LHFPL3: variants seen among roughly 807,000 people sequenced by gnomAD.
The protein encoded by LHFPL3 is LHFPL tetraspan subfamily member 3 protein.
In LHFPL3, 5 loss-of-function variants were observed where a neutral mutation model predicts 19.3. That is an observed-to-expected ratio of 0.26 (90% confidence interval 0.14 to 0.54). LHFPL3 has a LOEUF of 0.54. Ranked by LOEUF, LHFPL3 falls within the 20% of genes least tolerant of loss-of-function variation. The pLI, the probability that LHFPL3 is intolerant of heterozygous loss-of-function variation, is 0.94. For synonymous variants in LHFPL3, 133 were observed against 126.2 expected (o/e 1.05, Z -0.36); for missense variants, 249 against 307.4 (o/e 0.81, Z 1.42).
intron 1 of LHFPL3, among the ~76,000 whole-genome samples, chr7:104,369,391 T>C (rs1790565735): frequency 6.6e-6 from 1 of 152,264 alleles, no homozygotes; most frequent in African/African-American, 2.4e-5. Context: ...TGTTGTTGAA[T>C]GTATCCAAAG....
intron 1 of LHFPL3, among the ~76,000 whole-genome samples, chr7:104,454,539 C>T (rs190366077): frequency 2.6e-5 from 4 of 152,278 alleles, no homozygotes; most frequent in Admixed American, 2.6e-4. Flanking sequence ...AGCCCTGAGG[C>T]ACACAGGCCC....
intron 1 of LHFPL3, among the ~76,000 whole-genome samples, chr7:104,522,734 A>G (rs1319458231): frequency 1.3e-5 from 2 of 152,148 alleles, no homozygotes; most frequent in East Asian, 1.9e-4. Flanking sequence ...TCATGTAAAG[A>G]GGATTTTATT....
chr7:104,566,292 A>G (rs142637764), intron 1 of LHFPL3, among the ~76,000 whole-genome samples: 4 of 152,302 alleles, frequency 2.6e-5, no homozygotes, highest in African/African-American at 9.6e-5. Flanking sequence ...GTGAGGCTGC[A>G]GTGAGTCGTA....
chr7:104,406,634 C>T (rs759300728), intron 1 of LHFPL3, among the ~76,000 whole-genome samples: 4 of 152,234 alleles, frequency 2.6e-5, no homozygotes, highest in Non-Finnish European at 4.4e-5. Context: ...CCTTTCTTCT[C>T]AGAGAAAGAC....
Position 104,832,259 on chromosome 7 carries a change from A to G in LHFPL3, c.683-73928A>G, listed in dbSNP as rs889261238. 3.9e-5 allele frequency among the ~76,000 whole-genome samples: 6 copies of G among 151,978 alleles called. 1 individual carries two copies. The highest frequency in any genetic ancestry group is 1.5e-4 in the African/African-American group (6 of 41,216). ...CTAAAGTTGGTTGGGTTGTCTATCA[A>G]TCATTCTATCAGACAATATTAATAT... On this transcript the variant is annotated intron_variant, in intron 2 of 2. Coordinates refer to ENST00000424859, the MANE Select transcript of LHFPL3 (RefSeq NM_199000.3).
At chr7:104,364,121 A>T (rs1346240548) in intron 1 of LHFPL3, among the ~76,000 whole-genome samples, 1 of 152,180 alleles carries the variant, frequency 6.6e-6, no homozygotes, top group Non-Finnish European at 1.5e-5. Context: ...TGCAAAACTA[A>T]CCTTGAGATT....
chr7:104,661,307 C>T (rs1285443370), intron 1 of LHFPL3, among the ~76,000 whole-genome samples: 1 of 152,202 alleles, frequency 6.6e-6, no homozygotes, highest in East Asian at 1.9e-4. Flanking sequence ...CTATTCTACC[C>T]ATGTGCCCTC....
chr7:104,800,681 C>T (rs2116473885), intron 2 of LHFPL3, among the ~76,000 whole-genome samples: 1 of 152,270 alleles, frequency 6.6e-6, no homozygotes, highest in East Asian at 1.9e-4. Context: ...ATCATCTACC[C>T]ACCCACCCAA....
At chr7:104,472,029 T>G (rs1792918128) in intron 1 of LHFPL3, among the ~76,000 whole-genome samples, 1 of 151,920 alleles carries the variant, frequency 6.6e-6, no homozygotes, top group South Asian at 2.1e-4. Flanking sequence ...AGTTCAAAAA[T>G]TAGCCGAGGG....
At chr7:104,875,399 T>C (rs1318227248) in intron 2 of LHFPL3, among the ~76,000 whole-genome samples, 1 of 152,168 alleles carries the variant, frequency 6.6e-6, no homozygotes, top group Non-Finnish European at 1.5e-5. Flanking sequence ...AGCTCTGCAC[T>C]CTCTGCTAAG....
chr7:104,729,814 T>C (rs533738154), intron 1 of LHFPL3, among the ~76,000 whole-genome samples: 1 of 152,330 alleles, frequency 6.6e-6, no homozygotes, highest in East Asian at 1.9e-4. Flanking sequence ...GTTACATATG[T>C]ATACATGTGA....
intron 1 of LHFPL3, among the ~76,000 whole-genome samples, chr7:104,491,325 G>A (rs965159998): frequency 6.6e-6 from 1 of 152,156 alleles, no homozygotes; most frequent in East Asian, 1.9e-4. Context: ...TGTGGGTATA[G>A]GTGTGTTCCC....
At chr7:104,449,334 T>C (rs1026672561) in intron 1 of LHFPL3, among the ~76,000 whole-genome samples, 3 of 152,216 alleles carry the variant, frequency 2.0e-5, no homozygotes, top group Non-Finnish European at 4.4e-5. Context: ...TGGTGTAAAA[T>C]GTCATGCTGT....
intron 1 of LHFPL3, among the ~76,000 whole-genome samples, chr7:104,526,755 T>C (rs1016912540): frequency 5.9e-5 from 9 of 152,230 alleles, no homozygotes; most frequent in Admixed American, 2.6e-4. Context: ...TCTGTGAATC[T>C]AGCATTAATC....
At chr7:104,731,971 A>G (rs1793713343) in intron 1 of LHFPL3, among the ~76,000 whole-genome samples, 2 of 152,270 alleles carry the variant, frequency 1.3e-5, no homozygotes, top group South Asian at 2.1e-4. Flanking sequence ...TTCTGCATCT[A>G]TTGAGATAAT....
At chr7:104,410,571 A>G (rs1397353706) in intron 1 of LHFPL3, among the ~76,000 whole-genome samples, 1 of 152,254 alleles carries the variant, frequency 6.6e-6, no homozygotes, top group African/African-American at 2.4e-5. Flanking sequence ...TAGTGATTAA[A>G]GGGAGGAATA....
intron 1 of LHFPL3, among the ~76,000 whole-genome samples, chr7:104,423,298 G>C (rs747533065): frequency 1.3e-5 from 2 of 152,106 alleles, no homozygotes; most frequent in African/African-American, 4.8e-5. Context: ...ATCCAACTTG[G>C]TCTGGCCATG....
At chr7:104,804,474 C>T (rs1487046000) in intron 2 of LHFPL3, among the ~76,000 whole-genome samples, 1 of 152,222 alleles carries the variant, frequency 6.6e-6, no homozygotes, top group Non-Finnish European at 1.5e-5. Context: ...TTGTAATGCT[C>T]TTCACCCTTG....
intron 1 of LHFPL3, among the ~76,000 whole-genome samples, chr7:104,428,747 T>G (rs1791895160): frequency 6.6e-6 from 1 of 152,230 alleles, no homozygotes; most frequent in Non-Finnish European, 1.5e-5. Context: ...TTATTTTCCC[T>G]TATTTAGAAA....
Sources: gnomAD v4.1 joint callset for allele counts (sites outside exome capture counted in the v4.1 genomes callset) on GRCh38, gnomAD v4.1.1 for gene constraint, MANE v1.5 for transcripts, NCBI Gene and HGNC (gene_info 2026-07-23, HGNC 2026-07-21) for gene names.